ANKRD30A: variants seen among roughly 807,000 people sequenced by gnomAD.
ANKRD30A encodes the protein ankyrin repeat domain-containing protein 30A.
A neutral mutation model predicts 166.3 loss-of-function variants in ANKRD30A; 170 were observed. The observed-to-expected ratio is 1.02, with a 90% CI of 0.90 to 1.16. ANKRD30A has a LOEUF of 1.16. ANKRD30A is among the 50% of genes most tolerant of loss of function. The pLI is 0.00. For synonymous variants in ANKRD30A, 564 were observed against 508.9 expected, an observed-to-expected ratio of 1.11 and a Z score of -1.46; for missense variants, 1,630 against 1,518.0, an observed-to-expected ratio of 1.07 and a Z score of -1.23.
intron 27 of ANKRD30A, among the ~76,000 whole-genome samples, chr10:37,196,415 A>T (rs1334094798): frequency 6.6e-6 from 1 of 152,274 alleles, no homozygotes; most frequent in East Asian, 1.9e-4. Flanking sequence ...CATTGGGTTT[A>T]TGTTTAAGGA....
chr10:37,225,009 T>A (rs902184038), intron 34 of ANKRD30A, among the ~76,000 whole-genome samples: 5 of 151,608 alleles, frequency 3.3e-5, no homozygotes, highest in African/African-American at 1.2e-4. Context: ...TTGATGCTGA[T>A]CTCTGAGTAA....
At chr10:37,165,486 T>C (rs1839252111) in intron 18 of ANKRD30A, among the ~76,000 whole-genome samples, 1 of 152,202 alleles carries the variant, frequency 6.6e-6, no homozygotes, top group Admixed American at 6.5e-5. Context: ...GGCAAATATA[T>C]GATTCTGTCT....
intron 8 of ANKRD30A, among the ~76,000 whole-genome samples, chr10:37,145,495 C>T (rs191031792): frequency 8.5e-6 from 1 of 118,178 alleles, no homozygotes; most frequent in African/African-American, 3.1e-5. Context: ...GACTCTGTCT[C>T]CAAAAAAAGA....
At chr10:37,131,729 A>G (rs1836390833) in intron 3 of ANKRD30A, among the ~76,000 whole-genome samples, 1 of 152,224 alleles carries the variant, frequency 6.6e-6, no homozygotes, top group Non-Finnish European at 1.5e-5. Flanking sequence ...CAAATAAGGA[A>G]TAGTCAAAGT....
chr10:37,138,955 A>G (rs1478152157), intron 6 of ANKRD30A, among the ~76,000 whole-genome samples: 1 of 152,186 alleles, frequency 6.6e-6, no homozygotes, highest in Non-Finnish European at 1.5e-5. Context: ...ATGAGGAAAA[A>G]ATGTCAAGGG....
At chr10:37,202,024 T>C (rs1841657650) in intron 31 of ANKRD30A, among the ~76,000 whole-genome samples, 1 of 152,092 alleles carries the variant, frequency 6.6e-6, no homozygotes, top group African/African-American at 2.4e-5. Flanking sequence ...TTTAAAAAGT[T>C]CTCAGGTGAT....
At chr10:37,195,950 G>A (rs553130943) in intron 27 of ANKRD30A, among the ~76,000 whole-genome samples, 88 of 152,174 alleles carry the variant, frequency 5.8e-4, no homozygotes, top group Non-Finnish European at 1.1e-3. Flanking sequence ...TTTAGCCAGA[G>A]AAGAAGAAGG....
the ANKRD30A span, chr10:37,261,740 T>A: frequency 6.6e-6 from 1 of 152,192 alleles, no homozygotes; most frequent in Non-Finnish European, 1.5e-5. Flanking sequence ...ATCACGAGAA[T>A]GGGATTTTGA....
intron 13 of ANKRD30A, among the ~76,000 whole-genome samples, chr10:37,154,429 G>A (rs753910987): frequency 5.9e-5 from 9 of 152,170 alleles, no homozygotes; most frequent in Non-Finnish European, 1.2e-4. Flanking sequence ...AAGAGGAGAG[G>A]CCTTTTGTGG....
intron 15 of ANKRD30A, 90 bp from the exon 16 acceptor site, chr10:37,162,559 A>C (rs1454147183): frequency 6.6e-7 from 1 of 1,509,204 alleles, no homozygotes; most frequent in Non-Finnish European, 9.2e-7. Context: ...TTGGAGCAAG[A>C]GGAGTCAGTT....
intron 27 of ANKRD30A, among the ~76,000 whole-genome samples, chr10:37,195,710 C>A (rs1481633884): frequency 6.6e-6 from 1 of 152,148 alleles, no homozygotes; most frequent in Admixed American, 6.5e-5. Flanking sequence ...CTGACTAACA[C>A]AGTGAAACCC....
At chr10:37,209,785 T>A (rs1355397772) in intron 31 of ANKRD30A, among the ~76,000 whole-genome samples, 1 of 152,134 alleles carries the variant, frequency 6.6e-6, no homozygotes, top group Non-Finnish European at 1.5e-5. Context: ...TTTTATATAT[T>A]TAGGGCAATG....
Position 37,165,106 on chromosome 10 carries a change from C to T in ANKRD30A, c.2015C>T (p.Pro672Leu). The change falls in exon 18 of 36, where the codon CCA (proline) becomes CTA (leucine). Residue 672 changes from proline (P) to leucine (L), a missense_variant. Coordinates refer to ENST00000361713, the MANE Select transcript of ANKRD30A (RefSeq NM_052997.3). Reference protein sequence around the residue: ...EQTLRADEILPSESKQKDYEE... With the variant: ...EQTLRADEILLSESKQKDYEE... Reference sequence around the variant, plus strand: ...TAACCTTTTATAGATGAGATACTCCCATCAGAATCCAAACAAAAGGACTAT... The same window carrying T: ...TAACCTTTTATAGATGAGATACTCCTATCAGAATCCAAACAAAAGGACTAT... The T allele has an allele frequency of 1.9e-6, 3 of 1,608,794 alleles. No homozygotes were observed. Among genetic ancestry groups the T allele is most frequent in the Non-Finnish European group, 2.6e-6 (3 of 1,175,722 alleles).
Position 37,219,529 on chromosome 10 carries a change from G to A in ANKRD30A, c.3817G>A (p.Ala1273Thr), listed in dbSNP as rs753794004. Reference protein sequence around the residue: ...LKINLNYAGDALRENTLVSEH... With the variant: ...LKINLNYAGDTLRENTLVSEH... ...AATTAATCTCAATTATGCAGGAGAT[G>A]CTCTAAGAGAAAATACATTGGTTTC... The change falls in exon 34 of 36, where the codon GCT becomes ACT. Residue 1273 changes from alanine to threonine, a missense_variant. Ala to Thr is a moderately conservative substitution (Grantham distance 58). This residue lies in a region of ANKRD30A where 712 missense variants were observed against 629.3 expected (regional missense o/e 1.13). Transcript: ENST00000361713. 24 of 1,610,136 alleles carry A rather than the reference G, an allele frequency of 1.5e-5. 2 individuals are homozygous for A. In the South Asian group the frequency reaches 2.6e-4, roughly 18 times the overall value.
At position 37,216,308 on chromosome 10, in the gene ANKRD30A, GA is replaced by G. The variant is rs750471098; in HGVS notation, c.3002del (p.Lys1001ArgfsTer9). On this transcript the variant is annotated frameshift_variant, in exon 32 of 36. Coordinates refer to ENST00000361713, the MANE Select transcript of ANKRD30A (RefSeq NM_052997.3). LOFTEE classifies it high-confidence loss of function. ...EQMKKKFCVLKKKLSEAKEIK... is the reference protein window; with the variant it reads ...EQMKKKFCVLXKKLSEAKEIK... ...AAATGAAAAAGAAGTTTTGTGTACT[GA>G]AAAAGAAACTGTCAGAAGCAAAAGA... 1 of 1,608,764 alleles carries G rather than the reference GA, an allele frequency of 6.2e-7. No individual in the cohort carries two copies. Among genetic ancestry groups the G allele is most frequent in the African/African-American group, 1.3e-5 (1 of 74,640 alleles).
chr10:37,197,032 T>A (rs938460798), intron 27 of ANKRD30A, among the ~76,000 whole-genome samples: 19 of 152,314 alleles, frequency 1.2e-4, no homozygotes, highest in African/African-American at 3.8e-4. Context: ...TCAACCCTGT[T>A]TACACGTGAA....
At chr10:37,190,464 A>G (rs1439073810) in intron 25 of ANKRD30A, among the ~76,000 whole-genome samples, 4 of 151,916 alleles carry the variant, frequency 2.6e-5, no homozygotes, top group Admixed American at 2.0e-4. Context: ...ATGCAATAGA[A>G]ATTATAGATG....
the ANKRD30A span, among the ~76,000 whole-genome samples, chr10:37,246,866 T>G: frequency 6.6e-6 from 1 of 152,194 alleles, no homozygotes; most frequent in Admixed American, 6.5e-5. Context: ...CACCTCATCA[T>G]CATAGCACCC....
intron 27 of ANKRD30A, among the ~76,000 whole-genome samples, chr10:37,195,781 CT>C (rs1841035073): frequency 6.6e-6 from 1 of 152,090 alleles, no homozygotes; most frequent in African/African-American, 2.4e-5. Context: ...CTAATAATTT[CT>C]CAGGCGATGC....
Sources: allele counts gnomAD v4.1 joint callset (sites outside exome capture counted in the v4.1 genomes callset), GRCh38; gene constraint gnomAD v4.1.1; regional missense constraint gnomAD v4.1.1; transcripts MANE v1.5; gene names NCBI Gene and HGNC (gene_info 2026-07-23, HGNC 2026-07-21).